The following PTGER4 variants were observed in gnomAD, a reference collection of about 807,000 sequenced individuals.
The protein encoded by PTGER4 is prostaglandin E2 receptor EP4 subtype.
A neutral mutation model predicts 33.2 loss-of-function variants in PTGER4; 11 were observed. The ratio of observed to expected loss-of-function variants is 0.33; its 90% confidence interval spans 0.21 to 0.55. The LOEUF is 0.55. Ranked by LOEUF, PTGER4 falls within the 20% of genes least tolerant of loss-of-function variation. The pLI is 0.92. For synonymous variants in PTGER4, 275 were observed against 281.5 expected, an observed-to-expected ratio of 0.98 and a Z score of 0.23; for missense variants, 481 against 650.2, an observed-to-expected ratio of 0.74 and a Z score of 2.83.
chr5:40,723,226 T>C, the PTGER4 span, among the ~76,000 whole-genome samples: 2 of 152,064 alleles, frequency 1.3e-5, no homozygotes, highest in Admixed American at 6.6e-5. Context: ...AAACAGATGC[T>C]TGAAGGCAGC....
At chr5:40,738,565 AAT>A in the PTGER4 span, among the ~76,000 whole-genome samples, 453 of 79,566 alleles carry the variant, frequency 5.7e-3, 10 homozygotes, top group African/African-American at 0.014. Context: ...AATAAAATAA[AAT>A]ATAAAATAAA....
the PTGER4 span, among the ~76,000 whole-genome samples, chr5:40,744,187 T>C: frequency 1.3e-5 from 2 of 152,228 alleles, no homozygotes; most frequent in Non-Finnish European, 2.9e-5. Context: ...TAGTCAATCT[T>C]ACAGAGTTCT....
chr5:40,738,819 T>C, the PTGER4 span, among the ~76,000 whole-genome samples: 3 of 152,278 alleles, frequency 2.0e-5, no homozygotes, highest in South Asian at 4.1e-4. Context: ...CAGCTTTTTT[T>C]ATGCTTCTTG....
chr5:40,685,405 G>A (rs2111795711), intron 2 of PTGER4: 1 of 985,372 alleles, frequency 1.0e-6, no homozygotes, highest in African/African-American at 1.7e-5. Context: ...AACTGGAAGT[G>A]GAGTCATAAA....
At chr5:40,696,017 C>CA (rs942257209), downstream of PTGER4, among the ~76,000 whole-genome samples, 1 of 152,112 alleles carries the variant, frequency 6.6e-6, no homozygotes, top group African/African-American at 2.4e-5. Context: ...ACCCAATCCC[C>CA]ACCAGTATGC....
At chr5:40,734,451 G>A in the PTGER4 span, among the ~76,000 whole-genome samples, 2 of 152,214 alleles carry the variant, frequency 1.3e-5, no homozygotes, top group African/African-American at 4.8e-5. Context: ...AATCTTAACA[G>A]TATGCAACTG....
the PTGER4 span, among the ~76,000 whole-genome samples, chr5:40,708,505 A>G: frequency 2.0e-5 from 3 of 152,210 alleles, no homozygotes; most frequent in Admixed American, 6.5e-5. Context: ...CTCTGAATAG[A>G]CCAATAACAG....
the PTGER4 span, among the ~76,000 whole-genome samples, chr5:40,718,442 G>A: frequency 4.6e-5 from 7 of 150,898 alleles, no homozygotes; most frequent in African/African-American, 1.7e-4. Context: ...ACAGAGATAG[G>A]TATATAAAGC....
chr5:40,722,388 C>G, the PTGER4 span, among the ~76,000 whole-genome samples: 4 of 151,194 alleles, frequency 2.6e-5, no homozygotes, highest in African/African-American at 9.7e-5. Context: ...TGTGAGGAGC[C>G]CCTCTGCCCG....
chr5:40,690,728 TATAAA>T (rs1741446592), intron 2 of PTGER4, among the ~76,000 whole-genome samples: 12 of 152,234 alleles, frequency 7.9e-5, no homozygotes, highest in Admixed American at 7.8e-4. Context: ...TTAATTGACT[TATAAA>T]ATGAGTTTCC....
rs1328108693 is a variant in PTGER4, at chr5:40,680,952, C to T, written c.-42C>T. On this transcript the variant is annotated splice_region_variant and 5_prime_UTR_variant, in exon 2 of 3. Coordinates refer to ENST00000302472, the MANE Select transcript of PTGER4 (RefSeq NM_000958.3). This position sits in a 1 kb window ranked among gnomAD's most constrained non-coding sequence, Gnocchi z 5.5. ...TTGTCTCTCTTCTACCATCCCCAGA[C>T]CCAGCCTTGCACTCCAAGGCTGCGC... The T allele has an allele frequency of 6.4e-7, 1 of 1,564,470 alleles. No homozygotes were observed. Among genetic ancestry groups the T allele is most frequent in the Non-Finnish European group, 8.7e-7 (1 of 1,154,894 alleles).
At chr5:40,745,584 G>A in the PTGER4 span, among the ~76,000 whole-genome samples, 5 of 151,748 alleles carry the variant, frequency 3.3e-5, no homozygotes, top group African/African-American at 9.7e-5. Flanking sequence ...GAACCCAATA[G>A]CAGAGTCACA....
At chr5:40,715,100 TAA>T in the PTGER4 span, 1 of 152,104 alleles carries the variant, frequency 6.6e-6, no homozygotes, top group Admixed American at 6.5e-5. Context: ...ATTTTGTGCT[TAA>T]GTTATTTATT....
the PTGER4 span, among the ~76,000 whole-genome samples, chr5:40,729,163 C>G: frequency 6.6e-6 from 1 of 152,166 alleles, no homozygotes; most frequent in Non-Finnish European, 1.5e-5. Context: ...ACAAACCTGT[C>G]ATTCATATAT....
intron 2 of PTGER4, among the ~76,000 whole-genome samples, chr5:40,684,542 G>A (rs929740783): frequency 4.6e-5 from 7 of 152,172 alleles, no homozygotes; most frequent in Admixed American, 4.6e-4. Flanking sequence ...TTAGAGGGGG[G>A]TTGGTATTGA....
chr5:40,681,778 G>A lies in PTGER4; in HGVS notation c.785G>A (p.Arg262His), dbSNP rs1741200127. 1.3e-6 allele frequency: 2 copies of A among 1,594,884 alleles called. No individual in the cohort carries two copies. Among genetic ancestry groups the A allele is most frequent in the East Asian group, 2.3e-5 (1 of 42,686 alleles). The change falls in exon 2 of 3, where the codon CGC becomes CAC. Residue 262 changes from arginine (R) to histidine (H), a missense_variant. This residue lies in a region of PTGER4 where 174 missense variants were observed against 210.5 expected (regional missense o/e 0.83). Coordinates refer to ENST00000302472, the MANE Select transcript of PTGER4 (RefSeq NM_000958.3). This position sits in a 1 kb window ranked among gnomAD's most constrained non-coding sequence, Gnocchi z 9.8. ...SDFRRRRSFR[R>H]IAGAEIQMVI... ...TTTCGGCGCCGCCGGAGCTTCCGCC[G>A]CATCGCGGGCGCCGAGATCCAGATG...
chr5:40,708,469 A>C, the PTGER4 span, among the ~76,000 whole-genome samples: 5 of 152,208 alleles, frequency 3.3e-5, no homozygotes, highest in Non-Finnish European at 7.3e-5. Context: ...ACACCCTCCC[A>C]AGACTAAACC....
the PTGER4 span, among the ~76,000 whole-genome samples, chr5:40,734,408 A>G: frequency 4.9e-3 from 753 of 152,340 alleles, 5 homozygotes; most frequent in African/African-American, 0.017. Flanking sequence ...TGGTTAATAA[A>G]TGACCAAAGT....
the PTGER4 span, among the ~76,000 whole-genome samples, chr5:40,707,749 C>A: frequency 2.0e-5 from 3 of 152,202 alleles, no homozygotes; most frequent in African/African-American, 7.2e-5. Context: ...CACCACACCA[C>A]ACCTATTCCA....
Sources: allele counts gnomAD v4.1 joint callset (sites outside exome capture counted in the v4.1 genomes callset), GRCh38; gene constraint gnomAD v4.1.1; regional missense constraint gnomAD v4.1.1; non-coding constraint Gnocchi (gnomAD v3.1); transcripts MANE v1.5; gene names NCBI Gene and HGNC (gene_info 2026-07-23, HGNC 2026-07-21).